IL1RAPL2: variants seen among roughly 807,000 people sequenced by gnomAD.
The protein encoded by IL1RAPL2 is X-linked interleukin-1 receptor accessory protein-like 2.
IL1RAPL2 carries 3 observed loss-of-function variants against 44.1 expected under a neutral mutation model. The observed-to-expected ratio is 0.07, with a 90% confidence interval of 0.03 to 0.18. IL1RAPL2 has a LOEUF of 0.18. IL1RAPL2 is among the 10% of genes least tolerant of loss of function. IL1RAPL2 has a pLI of 1.00. For synonymous variants in IL1RAPL2, 181 were observed against 178.8 expected (o/e 1.01, Z -0.10); for missense variants, 391 against 496.4 (o/e 0.79, Z 2.02).
intron 2 of IL1RAPL2, among the ~76,000 whole-genome samples, chrX:104,850,868 A>G (rs1922206841): frequency 1.8e-5 from 2 of 111,432 alleles, no homozygotes; most frequent in South Asian, 3.8e-4. Context: ...ATAAGCTTAG[A>G]GAGTTTGAAT....
At chrX:105,239,986 A>C (rs1268951238) in intron 4 of IL1RAPL2, among the ~76,000 whole-genome samples, 1 of 112,418 alleles carries the variant, frequency 8.9e-6, no homozygotes, top group Non-Finnish European at 1.9e-5. Context: ...TAAATGTTTA[A>C]ATGACCCATC....
chrX:104,797,980 G>A (rs1932861318), intron 2 of IL1RAPL2, among the ~76,000 whole-genome samples: 1 of 111,809 alleles, frequency 8.9e-6, no homozygotes, highest in Non-Finnish European at 1.9e-5. Context: ...AAGATAGATT[G>A]AATGAGTCTT....
At chrX:105,407,848 C>T (rs1223641934) in intron 5 of IL1RAPL2, among the ~76,000 whole-genome samples, 2 of 111,937 alleles carry the variant, frequency 1.8e-5, no homozygotes, top group Non-Finnish European at 3.8e-5. Flanking sequence ...CAACACCAGA[C>T]CAAGCAATTC....
intron 5 of IL1RAPL2, among the ~76,000 whole-genome samples, chrX:105,368,087 A>G (rs1294155137): frequency 9.0e-6 from 1 of 110,728 alleles, no homozygotes; most frequent in South Asian, 3.8e-4. Flanking sequence ...GTTGAGAAAT[A>G]AGGCCCAGTG....
intron 2 of IL1RAPL2, among the ~76,000 whole-genome samples, chrX:105,054,452 T>C (rs1439580698): frequency 8.9e-6 from 1 of 111,799 alleles, no homozygotes; most frequent in African/African-American, 3.3e-5. Context: ...TTTTAGTTAC[T>C]TATTTGTTTG....
intron 4 of IL1RAPL2, among the ~76,000 whole-genome samples, chrX:105,236,114 C>A (rs2034118017): frequency 8.9e-6 from 1 of 112,102 alleles, no homozygotes; most frequent in East Asian, 2.8e-4. Context: ...GGTGACCTGC[C>A]CAAAGAGTTA....
intron 2 of IL1RAPL2, among the ~76,000 whole-genome samples, chrX:105,146,014 C>T (rs1414284139): frequency 2.7e-5 from 3 of 111,383 alleles, no homozygotes; most frequent in East Asian, 5.7e-4. Context: ...CCTTCTGTTA[C>T]ATGAAGACAC....
intron 5 of IL1RAPL2, among the ~76,000 whole-genome samples, chrX:105,310,496 T>G (rs1008824191): frequency 5.4e-5 from 6 of 111,574 alleles, no homozygotes; most frequent in African/African-American, 2.0e-4. Flanking sequence ...CTTCCTTTTT[T>G]CTGCCTACTT....
At chrX:105,022,707 A>C (rs1218089739) in intron 2 of IL1RAPL2, among the ~76,000 whole-genome samples, 1 of 110,937 alleles carries the variant, frequency 9.0e-6, no homozygotes, top group East Asian at 2.9e-4. Flanking sequence ...CTCCCCTATT[A>C]CAGTGGCTCC....
intron 6 of IL1RAPL2, among the ~76,000 whole-genome samples, chrX:105,544,481 G>A (rs545149707): frequency 1.1e-4 from 12 of 109,932 alleles, no homozygotes; most frequent in African/African-American, 4.0e-4. Flanking sequence ...CAATAGAAGT[G>A]GCGAAAGCAG....
At chrX:105,167,629 AC>A (rs968971413) in intron 2 of IL1RAPL2, among the ~76,000 whole-genome samples, 2 of 29,212 alleles carry the variant, frequency 6.8e-5, no homozygotes, top group African/African-American at 3.0e-4. Flanking sequence ...CCCCCCGCCC[AC>A]CCCCCCACAT....
intron 6 of IL1RAPL2, among the ~76,000 whole-genome samples, chrX:105,548,251 A>AAT (rs753716795): frequency 1.6e-3 from 178 of 110,151 alleles, no homozygotes; most frequent in African/African-American, 5.4e-3. Context: ...ATACATTTTG[A>AAT]ATATATATAT....
At chrX:105,044,055 A>G in intron 2 of IL1RAPL2, among the ~76,000 whole-genome samples, 1 of 111,710 alleles carries the variant, frequency 9.0e-6, no homozygotes, top group Middle Eastern at 4.6e-3. Flanking sequence ...CCAAGTTGTA[A>G]TGCTCAGGCC....
At chrX:105,031,317 G>C (rs1470618105) in intron 2 of IL1RAPL2, among the ~76,000 whole-genome samples, 1 of 108,043 alleles carries the variant, frequency 9.3e-6, no homozygotes, top group Non-Finnish European at 1.9e-5. Flanking sequence ...TCCCTGTCTT[G>C]TGCCAGTTTT....
At chrX:104,631,418 A>G (rs1294341013) in intron 1 of IL1RAPL2, among the ~76,000 whole-genome samples, 2 of 111,805 alleles carry the variant, frequency 1.8e-5, no homozygotes, top group South Asian at 3.8e-4. Context: ...CGCCACACTG[A>G]CTTCCACAAT....
chrX:104,701,851 A>G (rs1333030609), intron 2 of IL1RAPL2, among the ~76,000 whole-genome samples: 2 of 111,968 alleles, frequency 1.8e-5, no homozygotes, highest in African/African-American at 6.5e-5. Flanking sequence ...TTACAAATAT[A>G]TGAAATTTTA....
intron 2 of IL1RAPL2, among the ~76,000 whole-genome samples, chrX:105,029,640 CCTGT>C (rs1235681712): frequency 9.1e-6 from 1 of 109,408 alleles, no homozygotes; most frequent in Non-Finnish European, 1.9e-5. Context: ...TTTTCTTAAT[CCTGT>C]CTATCATTGT....
chrX:104,838,876 G>A (rs1255871978), intron 2 of IL1RAPL2, among the ~76,000 whole-genome samples: 1 of 78,116 alleles, frequency 1.3e-5, no homozygotes, highest in Non-Finnish European at 2.3e-5. Context: ...TTGAGGCAGA[G>A]TCTCTCTCTG....
At chrX:105,716,414 C>T (rs1352386461) in intron 6 of IL1RAPL2, among the ~76,000 whole-genome samples, 1 of 111,680 alleles carries the variant, frequency 9.0e-6, no homozygotes, top group East Asian at 2.8e-4. Flanking sequence ...TGTGTAGTGC[C>T]AAGAAAAGAG....
Sources: gnomAD v4.1 joint callset for allele counts (sites outside exome capture counted in the v4.1 genomes callset) on GRCh38, gnomAD v4.1.1 for gene constraint, MANE v1.5 for transcripts, NCBI Gene and HGNC (gene_info 2026-07-23, HGNC 2026-07-21) for gene names.